Variants in CNTN3 observed in about 807,000 individuals in gnomAD.
CNTN3 encodes contactin-3.
A neutral mutation model predicts 119.1 loss-of-function variants in CNTN3; 60 were observed. That is an observed-to-expected ratio of 0.50 (90% CI 0.41 to 0.62). The LOEUF (loss-of-function observed/expected upper bound fraction) is 0.62. CNTN3 is among the 20% of genes least tolerant of loss of function. The pLI, the probability that CNTN3 is intolerant of heterozygous loss-of-function variation, is 0.00. For synonymous variants in CNTN3, 450 were observed against 438.7 expected, an observed-to-expected ratio of 1.03 and a Z score of -0.32; for missense variants, 1,101 against 1,242.4, an observed-to-expected ratio of 0.89 and a Z score of 1.71.
At chr3:74,460,058 A>G (rs2106970597) in intron 4 of CNTN3, among the ~76,000 whole-genome samples, 1 of 152,164 alleles carries the variant, frequency 6.6e-6, no homozygotes, top group Admixed American at 6.6e-5. Context: ...TTTGTCAAAA[A>G]ATTAGTTGAG....
intron 5 of CNTN3, among the ~76,000 whole-genome samples, chr3:74,395,644 G>GA: frequency 6.6e-6 from 1 of 152,270 alleles, no homozygotes; most frequent in East Asian, 1.9e-4. Context: ...TATTTCACAG[G>GA]GTTATTGCCA....
In CNTN3 at chr3:74,415,224, A is replaced by C. The variant is rs188141277; in HGVS notation, c.454+9621T>G. On this transcript the variant is annotated intron_variant, in intron 5 of 22. Transcript: ENST00000263665. ...CAGACCAGTTAGGGGATCTGGGAAT[A>C]AACTGGAAGGCGGAAGTGTGAAGCC... 9.6e-3 allele frequency among the ~76,000 whole-genome samples: 1,458 copies of C among 152,226 alleles called. 26 individuals carry two copies. The highest frequency in any genetic ancestry group is 0.048 in the Middle Eastern group (14 of 294).
chr3:74,277,763 C>A (rs1422971306), intron 20 of CNTN3, among the ~76,000 whole-genome samples: 1 of 151,990 alleles, frequency 6.6e-6, no homozygotes, highest in East Asian at 1.9e-4. Flanking sequence ...GAAGTCCTAG[C>A]CAGAGCAATC....
chr3:74,381,398 T>C (rs1412812239), intron 5 of CNTN3, among the ~76,000 whole-genome samples: 1 of 152,022 alleles, frequency 6.6e-6, no homozygotes, highest in African/African-American at 2.4e-5. Context: ...GACAAAAAAA[T>C]GCCCCTAGAA....
chr3:74,267,914 G>T (rs1193267711), intron 20 of CNTN3, among the ~76,000 whole-genome samples: 1 of 152,178 alleles, frequency 6.6e-6, no homozygotes, highest in South Asian at 2.1e-4. Flanking sequence ...ATATGATTTT[G>T]GAGCCAGCCT....
intron 11 of CNTN3, among the ~76,000 whole-genome samples, chr3:74,352,467 C>T (rs72628651): frequency 0.059 from 8,971 of 152,152 alleles, 440 homozygotes; most frequent in East Asian, 0.2. Flanking sequence ...ACTAACAGTG[C>T]CCCCTTTCCC....
chr3:74,489,624 A>AC (rs1215762459), intron 3 of CNTN3, among the ~76,000 whole-genome samples: 2 of 101,060 alleles, frequency 2.0e-5, no homozygotes, highest in African/African-American at 7.7e-5. Flanking sequence ...TTCTGTTCCC[A>AC]CCCCCACCCC....
chr3:74,596,577 G>C (rs533611684), intron 1 of CNTN3, among the ~76,000 whole-genome samples: 1 of 152,056 alleles, frequency 6.6e-6, no homozygotes, highest in Non-Finnish European at 1.5e-5. Context: ...AGAAAAACAA[G>C]AAACAGGGAA....
Position 74,362,148 on chromosome 3 carries a change from G to T in CNTN3, c.1214-108C>A, listed in dbSNP as rs1241811716. 3.6e-5 allele frequency: 43 copies of T among 1,181,794 alleles called. No individual in the cohort carries two copies. The East Asian group carries it at 1.1e-3, about 29-fold the overall frequency. 73.2% of individuals were successfully genotyped at this position (1,181,794 alleles called of 1,614,324 possible). A position where few individuals can be genotyped will look rare whatever the true frequency, so the allele number is the denominator to read the frequency against. On this transcript the variant is annotated intron_variant, in intron 10 of 22. Coordinates refer to ENST00000263665, the MANE Select transcript of CNTN3 (RefSeq NM_020872.3). ...TAAAAGTTTTCTTTACATTCAGGGT[G>T]TCAGTGCTTGATTTACTTGGCTTAT...
intron 11 of CNTN3, among the ~76,000 whole-genome samples, chr3:74,343,379 G>A (rs927755042): frequency 6.6e-6 from 1 of 152,168 alleles, no homozygotes; most frequent in African/African-American, 2.4e-5. Context: ...CAGAAATTTA[G>A]GAGACAGACT....
rs927965755 is a variant in CNTN3 at position 74,577,551 on chromosome 3, T to A, written c.-81+36840A>T. Among the ~76,000 whole-genome samples, 5 of 152,146 alleles carry A rather than the reference T, an allele frequency of 3.3e-5. No individual in the cohort carries two copies. The East Asian group carries it at 9.6e-4, about 29-fold the overall frequency. ...TACTACCTCACAAGATCTCAAGTTA[T>A]TCTAAATTATTCATGATCACTCCTT... On this transcript the variant is annotated intron_variant, in intron 1 of 22. Coordinates refer to ENST00000263665, the MANE Select transcript of CNTN3 (RefSeq NM_020872.3).
At chr3:74,296,328 A>AG (rs1274377301) in intron 18 of CNTN3, among the ~76,000 whole-genome samples, 2 of 152,188 alleles carry the variant, frequency 1.3e-5, no homozygotes, top group African/African-American at 2.4e-5. Flanking sequence ...GCCAGCACCT[A>AG]GGTCCTGGAT....
intron 5 of CNTN3, among the ~76,000 whole-genome samples, chr3:74,409,365 A>G (rs1319069217): frequency 6.6e-6 from 1 of 152,146 alleles, no homozygotes; most frequent in Non-Finnish European, 1.5e-5. Flanking sequence ...CCAATCAGGT[A>G]ACTTCTCTAT....
rs56258495 is a variant in CNTN3 at position 74,418,342 on chromosome 3, C to CTTTTTTTTTTTTTTTT, written c.454+6487_454+6502dup. 1.2e-4 allele frequency among the ~76,000 whole-genome samples: 12 copies of CTTTTTTTTTTTTTTTT among 99,650 alleles called. 3 individuals are homozygous for CTTTTTTTTTTTTTTTT. Among genetic ancestry groups the CTTTTTTTTTTTTTTTT allele is most frequent in the African/African-American group, 2.7e-4 (7 of 25,504 alleles). The allele number at this position is 99,650 out of a possible 152,430, so 65.4% of individuals were successfully genotyped here. ...CATGTCCACTGCAGAAAACATATTCCTTTTTTTTTTTTTTTTTGAGTCAGA... is the reference window on the plus strand; with the variant it reads ...CATGTCCACTGCAGAAAACATATTCCTTTTTTTTTTTTTTTTTTTTTTTTTTTTTTTTTGAGTCAGA... On this transcript the variant is annotated intron_variant, in intron 5 of 22. Coordinates refer to ENST00000263665, the MANE Select transcript of CNTN3 (RefSeq NM_020872.3).
At chr3:74,283,331 A>G (rs753005565) in intron 20 of CNTN3, among the ~76,000 whole-genome samples, 2 of 152,124 alleles carry the variant, frequency 1.3e-5, no homozygotes, top group Non-Finnish European at 2.9e-5. Context: ...GAATCAATAC[A>G]TGAAAATTAC....
intron 11 of CNTN3, among the ~76,000 whole-genome samples, chr3:74,359,128 G>C (rs1704018419): frequency 6.6e-6 from 1 of 152,046 alleles, no homozygotes; most frequent in African/African-American, 2.4e-5. Context: ...AGAGTGGTGG[G>C]ACAGCAAGAC....
intron 5 of CNTN3, among the ~76,000 whole-genome samples, chr3:74,397,377 T>C (rs373632142): frequency 6.6e-6 from 1 of 152,178 alleles, no homozygotes; most frequent in Admixed American, 6.5e-5. Context: ...TTTACATGCC[T>C]GCAAATACAT....
chr3:74,434,293 G>T (rs1396973239), intron 4 of CNTN3, among the ~76,000 whole-genome samples: 1 of 152,160 alleles, frequency 6.6e-6, no homozygotes, highest in African/African-American at 2.4e-5. Context: ...AGATCTGTAA[G>T]CCTTTTGAAA....
intron 16 of CNTN3, 115 bp from the exon 17 acceptor site, chr3:74,300,053 TC>T: frequency 1.8e-6 from 1 of 548,974 alleles, no homozygotes; most frequent in Non-Finnish European, 3.0e-6. Context: ...GGCACATGAT[TC>T]ATACATATGG....
Sources: allele counts gnomAD v4.1 joint callset (sites outside exome capture counted in the v4.1 genomes callset), GRCh38; gene constraint gnomAD v4.1.1; transcripts MANE v1.5; gene names NCBI Gene and HGNC (gene_info 2026-07-23, HGNC 2026-07-21).